Variants in CELF2 observed in about 807,000 individuals in gnomAD.
CELF2 encodes CUGBP Elav-like family member 2.
In CELF2, 8 loss-of-function variants were observed where a neutral mutation model predicts 62.6. The observed-to-expected ratio is 0.13, with a 90% CI of 0.07 to 0.23. The LOEUF is 0.23. Among genes scored for constraint, CELF2 ranks in the 10% least tolerant of loss-of-function variants. The probability of loss-of-function intolerance (pLI) is 1.00; values close to 1 mark genes in which losing one functional copy is unlikely to be tolerated. For missense variants in CELF2, 333 were observed against 671.0 expected, an observed-to-expected ratio of 0.50 and a Z score of 5.56; for synonymous variants, 258 against 250.0, an observed-to-expected ratio of 1.03 and a Z score of -0.30.
In CELF2 at chr10:10,911,622, G is replaced by A. The variant is rs202178977; in HGVS notation, c.54-8342G>A. On this transcript the variant is annotated intron_variant, in intron 1 of 13. Transcript: ENST00000636488. ...GGGAGACCGGTTTCCCCACGGCAGC[G>A]CCTCTCCGCAAGCCTGGGCCTGGGG... Among the ~76,000 whole-genome samples, 40 of 152,344 alleles carry A rather than the reference G, an allele frequency of 2.6e-4. No homozygotes were observed. The East Asian group carries it at 6.2e-3, about 24-fold the overall frequency.
chr10:11,312,733 A>G (rs2140498358), intron 9 of CELF2, among the ~76,000 whole-genome samples: 1 of 152,346 alleles, frequency 6.6e-6, no homozygotes. Flanking sequence ...CAACAGATTG[A>G]GGCCATCCTG....
At chr10:11,225,627 C>G (rs2066271461) in intron 3 of CELF2, among the ~76,000 whole-genome samples, 1 of 152,128 alleles carries the variant, frequency 6.6e-6, no homozygotes, top group Admixed American at 6.5e-5. Context: ...GCTTAGTACT[C>G]ATAATTTTTC....
chr10:11,273,169 C>T (rs1490409044), intron 7 of CELF2, among the ~76,000 whole-genome samples: 3 of 151,972 alleles, frequency 2.0e-5, no homozygotes, highest in Admixed American at 6.5e-5. Flanking sequence ...CCCATAATAC[C>T]GTCGTACCTG....
At chr10:11,007,052 G>C (rs1025090657) in intron 1 of CELF2, among the ~76,000 whole-genome samples, 2 of 152,184 alleles carry the variant, frequency 1.3e-5, no homozygotes, top group African/African-American at 4.8e-5. Flanking sequence ...ATTTTACTAA[G>C]GTTGACTTCT....
At chr10:11,102,461 A>G (rs1323367235) in intron 1 of CELF2, among the ~76,000 whole-genome samples, 1 of 152,224 alleles carries the variant, frequency 6.6e-6, no homozygotes, top group Non-Finnish European at 1.5e-5. Flanking sequence ...ATGCTATTGA[A>G]TCTTTTAGCA....
chr10:10,515,697 G>T, the CELF2 span, among the ~76,000 whole-genome samples: 1 of 152,186 alleles, frequency 6.6e-6, no homozygotes, highest in Non-Finnish European at 1.5e-5. Flanking sequence ...GACAAGCCAA[G>T]TTGGAAAGAT....
chr10:11,293,111 G>T (rs1112520), intron 9 of CELF2, among the ~76,000 whole-genome samples: 61,587 of 152,074 alleles, frequency 0.4, 12,806 homozygotes, highest in Non-Finnish European at 0.46. Context: ...CACTCGCCCA[G>T]ATCAGGCCAC....
chr10:11,055,388 T>A (rs1044368104), intron 1 of CELF2, among the ~76,000 whole-genome samples: 7 of 152,172 alleles, frequency 4.6e-5, no homozygotes, highest in African/African-American at 1.7e-4. Context: ...TGTTTCTGAG[T>A]CAGAAAAACT....
chr10:10,497,416 A>T, the CELF2 span, among the ~76,000 whole-genome samples: 2 of 152,208 alleles, frequency 1.3e-5, no homozygotes, highest in African/African-American at 2.4e-5. Context: ...CTGAAAATAC[A>T]GCAATGGAAC....
chr10:11,230,937 G>C (rs757352126), intron 3 of CELF2, among the ~76,000 whole-genome samples: 3 of 152,182 alleles, frequency 2.0e-5, no homozygotes, highest in African/African-American at 7.2e-5. Context: ...CTCGAAATTC[G>C]TTACCAGGAA....
chr10:10,885,842 G>T (rs1459809615), intron 1 of CELF2, among the ~76,000 whole-genome samples: 5 of 152,096 alleles, frequency 3.3e-5, no homozygotes, highest in African/African-American at 9.7e-5. Flanking sequence ...TCTGACCTCT[G>T]CTTCCCATCT....
At chr10:10,619,095 C>G in the CELF2 span, among the ~76,000 whole-genome samples, 1 of 152,328 alleles carries the variant, frequency 6.6e-6, no homozygotes, top group East Asian at 1.9e-4. Context: ...GTTGAACATG[C>G]CTGGCCGCCA....
At chr10:10,531,517 C>G in the CELF2 span, among the ~76,000 whole-genome samples, 8 of 152,278 alleles carry the variant, frequency 5.3e-5, no homozygotes, top group African/African-American at 1.7e-4. Flanking sequence ...CCTCCAGTTC[C>G]TGACTTCACA....
chr10:11,021,031 A>T (rs575700558), intron 1 of CELF2, among the ~76,000 whole-genome samples: 20 of 152,224 alleles, frequency 1.3e-4, no homozygotes, highest in East Asian at 7.7e-4. Context: ...ATTTTTTTTT[A>T]AATTTGATTT....
At chr10:11,238,370 A>G (rs1004889990) in intron 3 of CELF2, among the ~76,000 whole-genome samples, 8 of 152,136 alleles carry the variant, frequency 5.3e-5, no homozygotes, top group African/African-American at 1.9e-4. Context: ...GAATCTTTCC[A>G]TTTATCTCCA....
intron 1 of CELF2, among the ~76,000 whole-genome samples, chr10:11,037,306 C>G (rs1002623709): frequency 2.0e-5 from 3 of 152,178 alleles, no homozygotes; most frequent in South Asian, 2.1e-4. Context: ...AAACCCACCC[C>G]CTTGATTCAG....
intron 1 of CELF2, among the ~76,000 whole-genome samples, chr10:10,849,732 C>T (rs887113562): frequency 6.6e-6 from 1 of 151,824 alleles, no homozygotes. Flanking sequence ...TTTTATCATA[C>T]GTGTGTGTGT....
At chr10:10,539,510 C>T in the CELF2 span, among the ~76,000 whole-genome samples, 1 of 142,944 alleles carries the variant, frequency 7.0e-6, no homozygotes, top group African/African-American at 2.5e-5. Flanking sequence ...TTTCACCCAT[C>T]AGTAATGCAG....
At chr10:10,663,668 A>G in the CELF2 span, among the ~76,000 whole-genome samples, 1 of 152,306 alleles carries the variant, frequency 6.6e-6, no homozygotes, top group Non-Finnish European at 1.5e-5. Context: ...CCGTTGGCTG[A>G]CCCATTGAAA....
Sources: allele counts gnomAD v4.1 joint callset (sites outside exome capture counted in the v4.1 genomes callset), GRCh38; gene constraint gnomAD v4.1.1; transcripts MANE v1.5; gene names NCBI Gene and HGNC (gene_info 2026-07-23, HGNC 2026-07-21).